LMBR1: variants seen among roughly 807,000 people sequenced by gnomAD.
LMBR1 encodes the protein limb region 1 protein homolog.
Under a neutral mutation model 73.9 loss-of-function variants are expected in LMBR1, and 52 were observed. That is an observed-to-expected ratio of 0.70 (90% CI 0.56 to 0.89). The LOEUF is 0.89. Ranked by LOEUF, LMBR1 falls within the 40% of genes least tolerant of loss-of-function variation. LMBR1 has a pLI of 0.00. For missense variants in LMBR1, 539 were observed against 579.8 expected, an observed-to-expected ratio of 0.93 and a Z score of 0.72; for synonymous variants, 215 against 209.4, an observed-to-expected ratio of 1.03 and a Z score of -0.23.
intron 9 of LMBR1, among the ~76,000 whole-genome samples, chr7:156,739,311 G>A (rs1046761595): frequency 1.3e-5 from 2 of 152,116 alleles, no homozygotes; most frequent in African/African-American, 4.8e-5. Context: ...TAAAGTTTCT[G>A]ACTTCAAACT....
At chr7:156,712,560 C>T (rs971658222) in intron 15 of LMBR1, among the ~76,000 whole-genome samples, 7 of 152,288 alleles carry the variant, frequency 4.6e-5, no homozygotes, top group African/African-American at 1.7e-4. Flanking sequence ...GATGCCTGCA[C>T]TCATATGTTT....
chr7:156,699,250 G>T (rs574490299), intron 15 of LMBR1, among the ~76,000 whole-genome samples: 9 of 152,152 alleles, frequency 5.9e-5, no homozygotes, highest in African/African-American at 1.7e-4. Flanking sequence ...AAATAATGCC[G>T]CATATCTACA....
chr7:156,671,257 C>T (rs935418596), intron 4 of LMBR1, among the ~76,000 whole-genome samples: 32 of 152,152 alleles, frequency 2.1e-4, no homozygotes, highest in African/African-American at 7.0e-4. Flanking sequence ...CAACACAAAG[C>T]GGACTGAGTG....
chr7:156,796,272 T>C lies in LMBR1; in HGVS notation c.423+117A>G, dbSNP rs149671193. Reference sequence around the variant, plus strand: ...GTTAACAATGTGTTATCAATATTATTTACTACGCATTTTTTATATTCCATT... The same window carrying C: ...GTTAACAATGTGTTATCAATATTATCTACTACGCATTTTTTATATTCCATT... On this transcript the variant is annotated intron_variant, in intron 5 of 16. Transcript: ENST00000353442. 1.3e-3 allele frequency: 874 copies of C among 662,676 alleles called. 18 individuals are homozygous for C. The East Asian group carries it at 0.022, about 17-fold the overall frequency. The allele number at this position is 662,676 out of a possible 1,614,324, so 41.0% of individuals were successfully genotyped here. A position where few individuals can be genotyped will look rare whatever the true frequency, so the allele number is the denominator to read the frequency against.
chr7:156,881,493 C>T (rs1227710398), intron 1 of LMBR1, among the ~76,000 whole-genome samples: 1 of 152,024 alleles, frequency 6.6e-6, no homozygotes, highest in Non-Finnish European at 1.5e-5. Flanking sequence ...AGTGGGAATA[C>T]ATAAAACTAA....
At chr7:156,833,885 A>C (rs1586110826) in intron 2 of LMBR1, 93 bp from the exon 3 acceptor site, 1 of 814,142 alleles carries the variant, frequency 1.2e-6, no homozygotes. Flanking sequence ...TAAACTTAAA[A>C]GGCAATTATT....
chr7:156,763,312 C>T, intron 6 of LMBR1, 136 bp from the exon 7 acceptor site: 1 of 471,066 alleles, frequency 2.1e-6, no homozygotes, highest in Non-Finnish European at 3.7e-6. Flanking sequence ...TTTATTAAGC[C>T]ATATAATTTC....
At chr7:156,704,835 T>C (rs1810574193) in intron 15 of LMBR1, among the ~76,000 whole-genome samples, 1 of 148,564 alleles carries the variant, frequency 6.7e-6, no homozygotes, top group Non-Finnish European at 1.5e-5. Context: ...GCCTCAACAA[T>C]AGACCAATAG....
rs571519663 is a variant in LMBR1, at chr7:156,855,882, G to A, written c.67-18997C>T. On this transcript the variant is annotated intron_variant, in intron 1 of 16. Coordinates refer to ENST00000353442, the MANE Select transcript of LMBR1 (RefSeq NM_022458.4). The stretch of plus-strand genomic sequence containing the variant: ...ATTTCAAATGTTAAAAGGAAAAAAC[G>A]AAAAATGAAAACACCAACCCAAAGT... Among the ~76,000 whole-genome samples, 17 of 152,174 alleles carry A rather than the reference G, an allele frequency of 1.1e-4. 1 individual carries two copies. Among genetic ancestry groups the A allele is most frequent in the East Asian group, 5.8e-4 (3 of 5,182 alleles).
chr7:156,758,597 G>GT (rs762243789), intron 8 of LMBR1, among the ~76,000 whole-genome samples: 2 of 152,112 alleles, frequency 1.3e-5, no homozygotes, highest in Admixed American at 1.3e-4. Context: ...ACAGCAGGTT[G>GT]TTTAAAAGAG....
intron 5 of LMBR1, among the ~76,000 whole-genome samples, chr7:156,784,375 G>A (rs181984935): frequency 3.0e-4 from 45 of 152,206 alleles, no homozygotes; most frequent in African/African-American, 9.4e-4. Context: ...GAGAGTGGAC[G>A]GAGGCAGGCA....
At chr7:156,820,700 A>G (rs1834635263) in intron 4 of LMBR1, among the ~76,000 whole-genome samples, 1 of 152,206 alleles carries the variant, frequency 6.6e-6, no homozygotes, top group African/African-American at 2.4e-5. Context: ...GCCTCTCTGG[A>G]CTTCGAAGAC....
At chr7:156,768,470 A>T (rs1248070065) in intron 5 of LMBR1, among the ~76,000 whole-genome samples, 1 of 152,236 alleles carries the variant, frequency 6.6e-6, no homozygotes, top group Admixed American at 6.5e-5. Flanking sequence ...TTAAAAATAA[A>T]AAATTCCTAA....
At chr7:156,794,884 A>G (rs1292344708) in intron 5 of LMBR1, among the ~76,000 whole-genome samples, 1 of 152,082 alleles carries the variant, frequency 6.6e-6, no homozygotes, top group East Asian at 1.9e-4. Context: ...TTCCTTTGTG[A>G]CCTGCACAAA....
intron 1 of LMBR1, among the ~76,000 whole-genome samples, chr7:156,862,823 A>G (rs1797917333): frequency 6.6e-6 from 1 of 152,226 alleles, no homozygotes; most frequent in East Asian, 1.9e-4. Context: ...GACAGCCTTC[A>G]AGCTGATACA....
At chr7:156,808,064 T>A (rs1334864441) in intron 4 of LMBR1, among the ~76,000 whole-genome samples, 2 of 152,110 alleles carry the variant, frequency 1.3e-5, no homozygotes, top group Non-Finnish European at 1.5e-5. Flanking sequence ...AATGCCCACA[T>A]TGTACTGGAA....
chr7:156,695,347 T>C (rs1342375148), intron 15 of LMBR1, among the ~76,000 whole-genome samples: 2 of 152,216 alleles, frequency 1.3e-5, no homozygotes, highest in East Asian at 3.8e-4. Flanking sequence ...CTCACACTGC[T>C]ATAAAGAAAT....
chr7:156,755,232 C>T (rs1378373585), intron 9 of LMBR1, among the ~76,000 whole-genome samples: 1 of 152,210 alleles, frequency 6.6e-6, no homozygotes, highest in Admixed American at 6.5e-5. Context: ...AACTTCTTTA[C>T]ATATAATCAG....
Position 156,756,402 on chromosome 7 carries a change from G to T in LMBR1, c.748C>A (p.Arg250=). 6.9e-7 allele frequency: 1 copy of T among 1,459,614 alleles called. No individual in the cohort carries two copies. 90.4% of individuals were successfully genotyped at this position (1,459,614 alleles called of 1,614,324 possible). Residue 250 remains arginine (R), a synonymous_variant, in exon 9 of 17, where the codon CGA becomes AGA. Transcript: ENST00000353442. ...ITLEEEALQR[R]LNGLSSSVEY... ...TGTAATATAAACATACCATTTAGTC[G>T]TCTCTGGAGTGCTTCTTCCTCTAAG...
Sources: gnomAD v4.1 joint callset for allele counts (sites outside exome capture counted in the v4.1 genomes callset) on GRCh38, gnomAD v4.1.1 for gene constraint, MANE v1.5 for transcripts, NCBI Gene and HGNC (gene_info 2026-07-23, HGNC 2026-07-21) for gene names.